The following SUGCT variants were observed in gnomAD, a reference collection of about 807,000 sequenced individuals.
SUGCT encodes the protein succinyl-CoA:glutarate-CoA transferase.
In SUGCT, 41 loss-of-function variants were observed where a neutral mutation model predicts 55.0. The observed-to-expected ratio is 0.74, with a 90% confidence interval of 0.58 to 0.97. The LOEUF is 0.97. SUGCT is among the 50% of genes least tolerant of loss of function. The pLI, the probability that SUGCT is intolerant of heterozygous loss-of-function variation, is 0.00. For missense variants in SUGCT, 568 were observed against 547.8 expected (o/e 1.04, Z -0.37); for synonymous variants, 187 against 200.4 (o/e 0.93, Z 0.56).
intron 11 of SUGCT, among the ~76,000 whole-genome samples, chr7:40,476,400 G>T (rs1417195143): frequency 6.6e-6 from 1 of 151,968 alleles, no homozygotes; most frequent in East Asian, 1.9e-4. Context: ...TTTTTTAAAA[G>T]ATTTGGAAAC....
intron 1 of SUGCT, among the ~76,000 whole-genome samples, chr7:40,138,026 G>T (rs1787786673): frequency 2.0e-5 from 3 of 152,146 alleles, no homozygotes; most frequent in Admixed American, 6.6e-5. Flanking sequence ...GGGTACAAGT[G>T]CAGTTTTGCT....
chr7:40,934,947 C>T, the SUGCT span, among the ~76,000 whole-genome samples: 1 of 152,158 alleles, frequency 6.6e-6, no homozygotes, highest in Admixed American at 6.6e-5. Context: ...CAACCAGTCC[C>T]AGTGAGATGA....
intron 12 of SUGCT, among the ~76,000 whole-genome samples, chr7:40,635,395 C>T (rs1377905204): frequency 6.6e-6 from 1 of 151,714 alleles, no homozygotes; most frequent in African/African-American, 2.4e-5. Flanking sequence ...AAGAGAAGAG[C>T]ATCAGGGGAT....
intron 9 of SUGCT, among the ~76,000 whole-genome samples, chr7:40,395,489 CAAAAAA>C (rs36068766): frequency 4.3e-5 from 2 of 46,132 alleles, no homozygotes; most frequent in Non-Finnish European, 8.7e-5. Flanking sequence ...AACTCTGTCT[CAAAAAA>C]AAAAAAAAAA....
chr7:40,151,060 C>T (rs1584189470), intron 1 of SUGCT, among the ~76,000 whole-genome samples: 1 of 152,168 alleles, frequency 6.6e-6, no homozygotes, highest in Middle Eastern at 3.4e-3. Context: ...CATGGTGAAA[C>T]CCTGTCTCTA....
chr7:41,026,800 G>A, the SUGCT span, among the ~76,000 whole-genome samples: 1 of 152,124 alleles, frequency 6.6e-6, no homozygotes, highest in African/African-American at 2.4e-5. Flanking sequence ...TTGGGAGGCC[G>A]AGGCAGGTAG....
intron 9 of SUGCT, among the ~76,000 whole-genome samples, chr7:40,438,185 T>C (rs1396906252): frequency 6.6e-6 from 1 of 152,094 alleles, no homozygotes; most frequent in African/African-American, 2.4e-5. Context: ...GCAGAAATTC[T>C]CAATTGACCT....
At chr7:40,859,058 GCTC>G (rs1447764598) in intron 13 of SUGCT, among the ~76,000 whole-genome samples, 1 of 152,014 alleles carries the variant, frequency 6.6e-6, no homozygotes, top group Non-Finnish European at 1.5e-5. Flanking sequence ...CTTCCTATGG[GCTC>G]CTCAAATCAA....
intron 10 of SUGCT, among the ~76,000 whole-genome samples, chr7:40,455,919 A>G (rs1272534861): frequency 6.6e-6 from 1 of 152,254 alleles, no homozygotes; most frequent in East Asian, 1.9e-4. Flanking sequence ...GTATATGAAC[A>G]TTATGACTTA....
intron 12 of SUGCT, among the ~76,000 whole-genome samples, chr7:40,557,657 C>T (rs529588618): frequency 1.3e-5 from 2 of 151,956 alleles, no homozygotes; most frequent in South Asian, 4.2e-4. Context: ...CCTGTAGTCC[C>T]AGCTACTCAG....
At chr7:40,618,227 A>C (rs180790841) in intron 12 of SUGCT, among the ~76,000 whole-genome samples, 1 of 152,262 alleles carries the variant, frequency 6.6e-6, no homozygotes, top group African/African-American at 2.4e-5. Context: ...AAACATCTCA[A>C]ATTTTTCTGC....
intron 9 of SUGCT, among the ~76,000 whole-genome samples, chr7:40,383,876 G>A (rs992734352): frequency 1.3e-5 from 2 of 152,134 alleles, no homozygotes; most frequent in Non-Finnish European, 2.9e-5. Flanking sequence ...TTAAATAACT[G>A]TCTTTGTTTC....
chr7:40,293,158 C>T (rs953039905), intron 8 of SUGCT, among the ~76,000 whole-genome samples: 1 of 152,028 alleles, frequency 6.6e-6, no homozygotes, highest in African/African-American at 2.4e-5. Context: ...TTATACCATA[C>T]TTAAGATTTT....
chr7:40,638,219 A>C (rs1028035171), intron 12 of SUGCT, among the ~76,000 whole-genome samples: 1 of 152,308 alleles, frequency 6.6e-6, no homozygotes, highest in East Asian at 1.9e-4. Flanking sequence ...CTTGGCTGTG[A>C]GGTGTGTTGT....
At chr7:40,619,017 A>G (rs1025516364) in intron 12 of SUGCT, among the ~76,000 whole-genome samples, 2 of 152,166 alleles carry the variant, frequency 1.3e-5, no homozygotes. Context: ...TCTTTGAGTC[A>G]CATTCTAACA....
At chr7:40,395,257 G>A (rs1052104405) in intron 9 of SUGCT, among the ~76,000 whole-genome samples, 27 of 152,126 alleles carry the variant, frequency 1.8e-4, no homozygotes, top group African/African-American at 5.1e-4. Context: ...GGGAGGCTGA[G>A]GCAGGCGGAT....
chr7:40,677,877 T>A (rs2151881464), intron 12 of SUGCT, among the ~76,000 whole-genome samples: 1 of 152,170 alleles, frequency 6.6e-6, no homozygotes, highest in East Asian at 1.9e-4. Flanking sequence ...TCTTGGGTGA[T>A]CTTGACTGTT....
intron 1 of SUGCT, among the ~76,000 whole-genome samples, chr7:40,145,616 T>C (rs1474483606): frequency 6.6e-6 from 1 of 152,166 alleles, no homozygotes; most frequent in Non-Finnish European, 1.5e-5. Flanking sequence ...GGATAATACA[T>C]GTTACACTGT....
intron 13 of SUGCT, among the ~76,000 whole-genome samples, chr7:40,818,675 C>T (rs1236116457): frequency 6.6e-6 from 1 of 152,072 alleles, no homozygotes; most frequent in Non-Finnish European, 1.5e-5. Flanking sequence ...CCAGTGGAGG[C>T]AGGGAATATA....
Sources: gnomAD v4.1 joint callset for allele counts (sites outside exome capture counted in the v4.1 genomes callset) on GRCh38, gnomAD v4.1.1 for gene constraint, MANE v1.5 for transcripts, NCBI Gene and HGNC (gene_info 2026-07-23, HGNC 2026-07-21) for gene names.